DGKB: variants seen among roughly 807,000 people sequenced by gnomAD.
The protein encoded by DGKB is 90 kDa diacylglycerol kinase.
Under a neutral mutation model 114.3 loss-of-function variants are expected in DGKB, and 67 were observed. That is an observed-to-expected ratio of 0.59 (90% CI 0.48 to 0.72). The LOEUF (loss-of-function observed/expected upper bound fraction) is 0.72, where lower values mean the gene tolerates loss of function less well. Ranked by LOEUF, DGKB falls within the 30% of genes least tolerant of loss-of-function variation. The probability of loss-of-function intolerance (pLI) is 0.00; values close to 1 mark genes in which losing one functional copy is unlikely to be tolerated. For synonymous variants in DGKB, 398 were observed against 323.1 expected (o/e 1.23, Z -2.49); for missense variants, 907 against 975.2 (o/e 0.93, Z 0.93).
At position 14,621,463 on chromosome 7, in the gene DGKB, C is replaced by A; in HGVS notation, c.1199G>T (p.Ser400Ile). Residue 400 changes from serine to isoleucine, a missense_variant, in exon 15 of 26, where the codon AGT becomes ATT. By Grantham distance (142) the Ser-to-Ile change is moderately radical (BLOSUM62 -2). Coordinates refer to ENST00000402815, the MANE Select transcript of DGKB (RefSeq NM_001350709.2). Reference protein sequence around the residue: ...ERQSTVKKEKSGSQQPNKVID... With the variant: ...ERQSTVKKEKIGSQQPNKVID... ...CACTTTGTTTGGCTGCTGGGAACCA[C>A]TCTTTTCCTTTTTCACTGTTGATTG... 1 of 1,609,452 alleles carries A rather than the reference C, an allele frequency of 6.2e-7. No homozygotes were observed. Among genetic ancestry groups the A allele is most frequent in the Non-Finnish European group, 8.5e-7 (1 of 1,177,742 alleles).
At chr7:14,790,012 T>C (rs1586529386) in intron 2 of DGKB, among the ~76,000 whole-genome samples, 1 of 152,210 alleles carries the variant, frequency 6.6e-6, no homozygotes, top group East Asian at 1.9e-4. Flanking sequence ...TATCTCTTTT[T>C]GGTTTTGATT....
intron 2 of DGKB, among the ~76,000 whole-genome samples, chr7:14,809,157 C>G (rs1018132611): frequency 1.1e-4 from 17 of 151,958 alleles, no homozygotes; most frequent in African/African-American, 3.9e-4. Flanking sequence ...ATCAGAATAT[C>G]TCAAAAGAAA....
intron 1 of DGKB, among the ~76,000 whole-genome samples, chr7:14,946,980 C>CT (rs1785918664): frequency 6.6e-6 from 1 of 151,374 alleles, no homozygotes; most frequent in East Asian, 1.9e-4. Context: ...AAGTCATACT[C>CT]TAAGAACATA....
chr7:14,687,374 C>T (rs1001111737), intron 9 of DGKB, among the ~76,000 whole-genome samples: 1 of 152,162 alleles, frequency 6.6e-6, no homozygotes, highest in Non-Finnish European at 1.5e-5. Flanking sequence ...ACGCAGGTGT[C>T]ATACAGAAAA....
intron 13 of DGKB, among the ~76,000 whole-genome samples, chr7:14,664,377 C>T (rs945144305): frequency 6.6e-6 from 1 of 151,958 alleles, no homozygotes; most frequent in Non-Finnish European, 1.5e-5. Flanking sequence ...TCTTCTGCTC[C>T]CTGCTTTACA....
At chr7:14,386,845 A>G (rs1196046431) in intron 21 of DGKB, among the ~76,000 whole-genome samples, 2 of 152,146 alleles carry the variant, frequency 1.3e-5, no homozygotes, top group African/African-American at 4.8e-5. Flanking sequence ...CATTATTTAC[A>G]TCAATTAAAG....
intron 20 of DGKB, among the ~76,000 whole-genome samples, chr7:14,488,637 C>T (rs1405549348): frequency 6.7e-6 from 1 of 148,672 alleles, no homozygotes; most frequent in African/African-American, 2.5e-5. Flanking sequence ...ATGGTGAAGC[C>T]CCATTTCCAC....
Position 14,201,136 on chromosome 7 carries a change from C to T in DGKB, c.2123-22985G>A, listed in dbSNP as rs193137194. On this transcript the variant is annotated intron_variant, in intron 23 of 25. Transcript: ENST00000402815. ...AAATCCAACATCAAGGCACTAGCAG[C>T]GTCTGGTGAGGGCCTGTTTCCTAGA... Among the ~76,000 whole-genome samples, 48 of 152,094 alleles carry T rather than the reference C, an allele frequency of 3.2e-4. No homozygotes were observed. The East Asian group carries it at 6.0e-3, about 19-fold the overall frequency.
chr7:14,429,927 C>G (rs1828188552), intron 21 of DGKB, among the ~76,000 whole-genome samples: 1 of 148,158 alleles, frequency 6.7e-6, no homozygotes, highest in Admixed American at 6.8e-5. Context: ...ACTCTGTCCC[C>G]CCCCCCAAAA....
At chr7:14,607,704 G>C (rs532368789) in intron 16 of DGKB, among the ~76,000 whole-genome samples, 196 bp from the exon 17 acceptor site, 16 of 151,792 alleles carry the variant, frequency 1.1e-4, no homozygotes, top group Non-Finnish European at 1.8e-4. Flanking sequence ...TTTTTTAAAA[G>C]GCTTAGTAGC....
intron 23 of DGKB, among the ~76,000 whole-genome samples, chr7:14,313,351 A>T (rs1159608258): frequency 6.6e-6 from 1 of 151,942 alleles, no homozygotes; most frequent in Non-Finnish European, 1.5e-5. Context: ...CTGCAATTCC[A>T]TCTGAGGTAC....
chr7:14,355,590 T>A (rs1441304819), intron 21 of DGKB, among the ~76,000 whole-genome samples: 1 of 152,166 alleles, frequency 6.6e-6, no homozygotes, highest in Admixed American at 6.5e-5. Flanking sequence ...TATTGATTTG[T>A]GTATGTTGAA....
chr7:14,340,973 T>C (rs1429180800), intron 22 of DGKB, among the ~76,000 whole-genome samples: 1 of 148,666 alleles, frequency 6.7e-6, no homozygotes, highest in African/African-American at 2.5e-5. Flanking sequence ...GGAGAGCATG[T>C]TGCAAAGAGG....
chr7:14,169,358 C>T (rs1178581704), intron 25 of DGKB, among the ~76,000 whole-genome samples: 1 of 117,320 alleles, frequency 8.5e-6, no homozygotes, highest in Non-Finnish European at 2.0e-5. Context: ...GAGCGAGACT[C>T]CGTCTCAAAA....
chr7:14,151,728 A>G (rs921182622), intron 25 of DGKB, among the ~76,000 whole-genome samples: 18 of 152,010 alleles, frequency 1.2e-4, no homozygotes, highest in Non-Finnish European at 1.8e-4. Context: ...TGAAATCCAC[A>G]TCCTTTTTGT....
At chr7:14,372,020 C>T (rs897222336) in intron 21 of DGKB, among the ~76,000 whole-genome samples, 1 of 152,124 alleles carries the variant, frequency 6.6e-6, no homozygotes, top group Non-Finnish European at 1.5e-5. Flanking sequence ...GCTCTTGGTC[C>T]CAAGTCTGGG....
chr7:14,936,109 C>A (rs1785260315), intron 1 of DGKB, among the ~76,000 whole-genome samples: 1 of 152,092 alleles, frequency 6.6e-6, no homozygotes, highest in African/African-American at 2.4e-5. Flanking sequence ...TAAGGAGCCT[C>A]TGTAGGTTTT....
intron 23 of DGKB, among the ~76,000 whole-genome samples, chr7:14,196,950 A>G (rs551017647): frequency 2.6e-5 from 4 of 152,248 alleles, no homozygotes; most frequent in African/African-American, 9.6e-5. Context: ...CTTTTGGAAA[A>G]TACAGCAACA....
rs896940140 is a variant in DGKB at position 14,531,977 on chromosome 7, A to T, written c.1770+42235T>A. Among the ~76,000 whole-genome samples the T allele has an allele frequency of 1.3e-5, 2 of 151,498 alleles. 1 individual carries two copies. Among genetic ancestry groups the T allele is most frequent in the East Asian group, 3.9e-4 (2 of 5,174 alleles). ...ATAATTAGATACCAATATGCAAAAAAAAAATGAAGTTAGGCCTTCCCTTTA... is the reference window on the plus strand; with the variant it reads ...ATAATTAGATACCAATATGCAAAAATAAAATGAAGTTAGGCCTTCCCTTTA... On this transcript the variant is annotated intron_variant, in intron 20 of 25. Transcript: ENST00000402815.
Sources: allele counts gnomAD v4.1 joint callset (sites outside exome capture counted in the v4.1 genomes callset), GRCh38; gene constraint gnomAD v4.1.1; transcripts MANE v1.5; gene names NCBI Gene and HGNC (gene_info 2026-07-23, HGNC 2026-07-21).